The following OBSL1 variants were observed in gnomAD, a reference collection of about 807,000 sequenced individuals.
OBSL1 encodes the protein obscurin like cytoskeletal adaptor 1.
A neutral mutation model predicts 172.0 loss-of-function variants in OBSL1; 160 were observed. The ratio of observed to expected loss-of-function variants is 0.93; its 90% confidence interval spans 0.82 to 1.06. The LOEUF is 1.06. OBSL1 is among the 50% of genes least tolerant of loss of function. The pLI, the probability that OBSL1 is intolerant of heterozygous loss-of-function variation, is 0.00. For missense variants in OBSL1, 2,681 were observed against 2,715.4 expected (o/e 0.99, Z 0.28); for synonymous variants, 1,200 against 1,196.3 (o/e 1.00, Z -0.06).
In OBSL1 at chr2:219,556,673, C is replaced by T. The variant is rs140214067; in HGVS notation, c.4117G>A (p.Glu1373Lys). The T allele has an allele frequency of 3.5e-3, 5,617 of 1,611,204 alleles. 145 individuals are homozygous for T. In the African/African-American group the frequency reaches 0.061, roughly 17 times the overall value. The change falls in exon 13 of 21, where the codon GAG becomes AAG. Residue 1373 changes from glutamate (E) to lysine (K), a missense_variant. Physicochemically the swap from Glu to Lys is moderately conservative, Grantham distance 56. This residue lies in a region of OBSL1 where 1,765 missense variants were observed against 1,748.3 expected (regional missense o/e 1.01). Transcript: ENST00000404537. Reference protein sequence around the residue: ...VSELTPLTVHEGDDATFRCEV... With the variant: ...VSELTPLTVHKGDDATFRCEV... The stretch of plus-strand genomic sequence containing the variant: ...CACCGGAACGTGGCATCATCGCCCT[C>T]GTGGACAGTGAGTGGTGTCAGCTCC...
chr2:219,567,669 G>A, intron 3 of OBSL1, 49 bp downstream of exon 3: 5 of 1,591,674 alleles, frequency 3.1e-6, no homozygotes, highest in Non-Finnish European at 4.3e-6. Context: ...CCGGCATCTG[G>A]CCAACCTCCT....
At chr2:219,566,450 C>G (rs1441527521) in intron 5 of OBSL1, among the ~76,000 whole-genome samples, 1 of 152,060 alleles carries the variant, frequency 6.6e-6, no homozygotes, top group Non-Finnish European at 1.5e-5. Flanking sequence ...GTGATTAGGA[C>G]TGCGCCTGGC....
At chr2:219,547,489 C>T (rs1695413902), downstream of OBSL1, 1 of 1,416,164 alleles carries the variant, frequency 7.1e-7, no homozygotes, top group African/African-American at 1.5e-5. Context: ...CCCTCACTAG[C>T]CCCTGTTCCC....
Position 219,567,129 on chromosome 2 carries a change from G to C in OBSL1, c.1838-3C>G. On this transcript the variant is annotated splice_polypyrimidine_tract_variant and splice_region_variant and intron_variant, in intron 4 of 20. Transcript: ENST00000404537. The stretch of plus-strand genomic sequence containing the variant: ...TGCCACCAGGCGAGCTGTGGGCACT[G>C]AGGCAGGGACAGAGTGCAGCTGTCA... The C allele has an allele frequency of 6.2e-7, 1 of 1,612,754 alleles. No individual in the cohort carries two copies. The highest frequency in any genetic ancestry group is 1.1e-5 in the South Asian group (1 of 90,966).
At chr2:219,557,692 G>T in intron 11 of OBSL1, 74 bp from the exon 12 acceptor site, 1 of 1,511,172 alleles carries the variant, frequency 6.6e-7, no homozygotes, top group East Asian at 2.3e-5. Context: ...GAGGCATGAC[G>T]GGGAAGGTAC....
In OBSL1 at chr2:219,554,500, C is replaced by A. The variant is rs375418681; in HGVS notation, c.4850G>T (p.Arg1617Leu). The A allele has an allele frequency of 1.2e-6, 2 of 1,613,116 alleles. No homozygotes were observed. The highest frequency in any genetic ancestry group is 1.7e-6 in the Non-Finnish European group (2 of 1,179,882). ...GCVSFTADSL[R>L]CAARLIVREV... The stretch of plus-strand genomic sequence containing the variant: ...TCTCACAATGAGTCTGGCTGCGCAG[C>A]GCAGGGAATCCGCTGTGAAGGAGAC... Residue 1617 changes from arginine (R) to leucine (L), a missense_variant, in exon 15 of 21, where the codon CGC becomes CTC. Physicochemically the swap from Arg to Leu is moderately radical, Grantham distance 102. Around this residue, in one of 5 missense-constraint regions of OBSL1, gnomAD observed 1,765 missense variants for 1,748.3 expected, o/e 1.01. Transcript: ENST00000404537.
At position 219,553,661 on chromosome 2, in the gene OBSL1, C is replaced by A. The variant is rs372856431; in HGVS notation, c.4902G>T (p.Gly1634=). ...VREVPVTIVR[G]PHDLEVTEGD... ...CCTCGGTCACCTCTAGGTCGTGTGGCCCCCGCACGATGGTCACTGGGACCT... is the reference window on the plus strand; with the variant it reads ...CCTCGGTCACCTCTAGGTCGTGTGGACCCCGCACGATGGTCACTGGGACCT... Residue 1634 remains glycine (G), a synonymous_variant, in exon 16 of 21, where the codon GGG becomes GGT. Coordinates refer to ENST00000404537, the MANE Select transcript of OBSL1 (RefSeq NM_015311.3). The A allele has an allele frequency of 1.2e-6, 2 of 1,613,360 alleles. No individual in the cohort carries two copies. The highest frequency in any genetic ancestry group is 1.1e-5 in the South Asian group (1 of 91,010).
At chr2:219,556,386 G>A (rs980828357) in intron 13 of OBSL1, 68 bp downstream of exon 13, 19 of 1,593,804 alleles carry the variant, frequency 1.2e-5, no homozygotes, top group African/African-American at 4.0e-5. Flanking sequence ...GAGAGGCAAG[G>A]CTGCTGGAAT....
chr2:219,565,579 T>C, intron 5 of OBSL1, 65 bp from the exon 6 acceptor site: 1 of 1,510,576 alleles, frequency 6.6e-7, no homozygotes. Flanking sequence ...GTCGGATGCA[T>C]CAGAGGGAAC....
chr2:219,549,284 G>A (rs1447298435), downstream of OBSL1: 4 of 1,613,906 alleles, frequency 2.5e-6, no homozygotes, highest in Middle Eastern at 3.3e-4. Context: ...CCCAGGCCTG[G>A]GCCACCAGAC....
rs753570131 is a variant in OBSL1 at position 219,567,483 on chromosome 2, G to A, written c.1627C>T (p.Pro543Ser). The A allele has an allele frequency of 8.1e-6, 13 of 1,613,560 alleles. No homozygotes were observed. The East Asian group carries it at 1.8e-4, about 22-fold the overall frequency. ...TVLLTWKPPEPAPETPFIYRL... is the reference protein window; with the variant it reads ...TVLLTWKPPESAPETPFIYRL... Reference sequence around the variant, plus strand: ...TAGATGAATGGGGTCTCGGGAGCTGGCTCGGGAGGCTTCCAGGTCAACAGG... The same window carrying A: ...TAGATGAATGGGGTCTCGGGAGCTGACTCGGGAGGCTTCCAGGTCAACAGG... Residue 543 changes from proline to serine, a missense_variant, in exon 4 of 21, where the codon CCA becomes TCA. Physicochemically the swap from Pro to Ser is moderately conservative, Grantham distance 74 (BLOSUM62 -1). Transcript: ENST00000404537.
intron 18 of OBSL1, 58 bp downstream of exon 18, chr2:219,552,478 T>C: frequency 6.7e-7 from 1 of 1,496,410 alleles, no homozygotes; most frequent in Admixed American, 2.0e-5. Flanking sequence ...TGGGGCGGGA[T>C]CTGTTCGAGC....
Position 219,556,471 on chromosome 2 carries a change from G to A in OBSL1, c.4319C>T (p.Ala1440Val). The A allele has an allele frequency of 6.2e-7, 1 of 1,613,788 alleles. No homozygotes were observed. Among genetic ancestry groups the A allele is most frequent in the Non-Finnish European group, 8.5e-7 (1 of 1,179,890 alleles). Reference sequence around the variant, plus strand: ...GACCTAACCTCGAACATGGAGCCGGGCACTTGTGGCCGTGCTCCCTGCCCG... The same window carrying A: ...GACCTAACCTCGAACATGGAGCCGGACACTTGTGGCCGTGCTCCCTGCCCG... Reference protein sequence around the residue: ...TLRAGSTATSARLHVRETELL... With the variant: ...TLRAGSTATSVRLHVRETELL... Residue 1440 changes from alanine to valine, a missense_variant, in exon 13 of 21, where the codon GCC (alanine) becomes GTC (valine). Physicochemically the swap from Ala to Val is moderately conservative, Grantham distance 64 (BLOSUM62 0). This residue lies in a region of OBSL1 where 1,765 missense variants were observed against 1,748.3 expected (regional missense o/e 1.01). Transcript: ENST00000404537.
chr2:219,549,941 G>A, downstream of OBSL1: 1 of 1,541,042 alleles, frequency 6.5e-7, no homozygotes, highest in Non-Finnish European at 8.8e-7. Context: ...CCTGGCTTTG[G>A]CTGTCCCTCT....
downstream of OBSL1, chr2:219,549,908 C>A: frequency 6.3e-7 from 1 of 1,584,756 alleles, no homozygotes; most frequent in Non-Finnish European, 8.6e-7. Context: ...CTCGAGGAGG[C>A]CTGCTAGGCT....
At chr2:219,555,776 T>C in intron 14 of OBSL1, 2 of 1,372,916 alleles carry the variant, frequency 1.5e-6, no homozygotes, top group South Asian at 3.9e-5. Context: ...AGAATATTTG[T>C]GTTTATAGCA....
chr2:219,549,317 T>C (rs776772837), downstream of OBSL1: 3 of 1,613,800 alleles, frequency 1.9e-6, no homozygotes, highest in South Asian at 2.2e-5. Flanking sequence ...CGCAGGCCAG[T>C]GCCCATCAAA....
At position 219,559,458 on chromosome 2, in the gene OBSL1, G is replaced by A. The variant is rs752642030; in HGVS notation, c.2993C>T (p.Thr998Ile). The change falls in exon 9 of 21, where the codon ACC (threonine) becomes ATC (isoleucine). Residue 998 changes from threonine to isoleucine, a missense_variant. Thr to Ile is a moderately conservative substitution (Grantham distance 89, BLOSUM62 -1). This residue lies in a region of OBSL1 where 1,765 missense variants were observed against 1,748.3 expected (regional missense o/e 1.01). Coordinates refer to ENST00000404537, the MANE Select transcript of OBSL1 (RefSeq NM_015311.3). ...ACACTCCAAGGTCACGGCGATCAAGGTCACCTCATCGCGAGGGTATATGAT... is the reference window on the plus strand; with the variant it reads ...ACACTCCAAGGTCACGGCGATCAAGATCACCTCATCGCGAGGGTATATGAT... Reference protein sequence around the residue: ...VRIIYPRDEVTLIAVTLECVV... With the variant: ...VRIIYPRDEVILIAVTLECVV... The A allele has an allele frequency of 1.2e-6, 2 of 1,613,778 alleles. No individual in the cohort carries two copies. The highest frequency in any genetic ancestry group is 2.2e-5 in the East Asian group (1 of 44,892).
chr2:219,548,060 G>A (rs773738104), downstream of OBSL1: 2 of 1,568,600 alleles, frequency 1.3e-6, no homozygotes, highest in African/African-American at 1.3e-5. Flanking sequence ...GGTGACAGCT[G>A]AGGGGGACTC....
Sources: allele counts gnomAD v4.1 joint callset (sites outside exome capture counted in the v4.1 genomes callset), GRCh38; gene constraint gnomAD v4.1.1; regional missense constraint gnomAD v4.1.1; transcripts MANE v1.5; gene names NCBI Gene and HGNC (gene_info 2026-07-23, HGNC 2026-07-21).